DNAH11: variants seen among roughly 807,000 people sequenced by gnomAD.
DNAH11 encodes the protein axonemal beta dynein heavy chain 11.
DNAH11 carries 442 observed loss-of-function variants against 526.0 expected under a neutral mutation model. The observed-to-expected ratio is 0.84, with a 90% confidence interval of 0.78 to 0.91. The LOEUF is 0.91. Among genes scored for constraint, DNAH11 ranks in the 40% least tolerant of loss-of-function variants. DNAH11 has a pLI of 0.00. For missense variants in DNAH11, 6,989 were observed against 5,448.7 expected, an observed-to-expected ratio of 1.28 and a Z score of -8.90; for synonymous variants, 2,461 against 1,935.9, an observed-to-expected ratio of 1.27 and a Z score of -7.12.
At chr7:21,597,377 G>A (rs1784898946) in intron 14 of DNAH11, among the ~76,000 whole-genome samples, 1 of 152,140 alleles carries the variant, frequency 6.6e-6, no homozygotes, top group Non-Finnish European at 1.5e-5. Context: ...CGCTGAATGT[G>A]TATTAGGTCT....
intron 55 of DNAH11, 129 bp downstream of exon 55, chr7:21,765,718 C>G (rs1162402583): frequency 1.6e-6 from 2 of 1,249,562 alleles, no homozygotes; most frequent in East Asian, 5.1e-5. Flanking sequence ...AGAAAGCTAT[C>G]CTGATTTGTT....
intron 25 of DNAH11, among the ~76,000 whole-genome samples, chr7:21,630,288 G>A (rs1200740671): frequency 1.3e-5 from 2 of 151,924 alleles, no homozygotes; most frequent in Non-Finnish European, 2.9e-5. Context: ...ACCGTTTGCT[G>A]TAGCTATTGT....
At chr7:21,893,014 C>G (rs1435046594) in intron 77 of DNAH11, among the ~76,000 whole-genome samples, 2 of 152,152 alleles carry the variant, frequency 1.3e-5, no homozygotes, top group African/African-American at 2.4e-5. Flanking sequence ...TGTTCATGTA[C>G]CAATGGTTCA....
chr7:21,861,641 A>G (rs1343336845), intron 68 of DNAH11, among the ~76,000 whole-genome samples: 2 of 152,226 alleles, frequency 1.3e-5, no homozygotes, highest in African/African-American at 4.8e-5. Flanking sequence ...AGGAGATTGA[A>G]TGGATTTCAT....
intron 2 of DNAH11, among the ~76,000 whole-genome samples, chr7:21,554,052 C>G (rs148190464): frequency 6.6e-6 from 1 of 152,016 alleles, no homozygotes; most frequent in Admixed American, 6.5e-5. Flanking sequence ...GAAGTTTCCT[C>G]TTTTGGTTTT....
At chr7:21,598,471 A>G (rs68041068) in intron 14 of DNAH11, among the ~76,000 whole-genome samples, 28,444 of 152,080 alleles carry the variant, frequency 0.19, 3,058 homozygotes, top group East Asian at 0.53. Flanking sequence ...CTTGGGAGAC[A>G]CTAAGGTGCA....
intron 74 of DNAH11, among the ~76,000 whole-genome samples, chr7:21,876,936 C>G (rs752003773): frequency 5.9e-5 from 9 of 152,226 alleles, no homozygotes; most frequent in Admixed American, 6.5e-5. Flanking sequence ...TAAAAATTAG[C>G]AAGAAGACAT....
At chr7:21,721,282 T>C (rs1299918315) in intron 44 of DNAH11, among the ~76,000 whole-genome samples, 1 of 152,206 alleles carries the variant, frequency 6.6e-6, no homozygotes, top group African/African-American at 2.4e-5. Flanking sequence ...GACATCACTC[T>C]TCCTGATTTC....
At chr7:21,595,557 A>G (rs779994027) in intron 14 of DNAH11, among the ~76,000 whole-genome samples, 35 of 152,214 alleles carry the variant, frequency 2.3e-4, no homozygotes, top group Non-Finnish European at 4.4e-4. Flanking sequence ...GTCATGATCA[A>G]CTGGAAAGGT....
At chr7:21,771,852 A>T (rs1368461573) in intron 55 of DNAH11, among the ~76,000 whole-genome samples, 1 of 77,568 alleles carries the variant, frequency 1.3e-5, no homozygotes, top group Non-Finnish European at 4.4e-5. Flanking sequence ...CGCCCCCCAC[A>T]AAAAAAAATA....
intron 74 of DNAH11, among the ~76,000 whole-genome samples, chr7:21,878,539 C>G (rs776428842): frequency 6.6e-6 from 1 of 152,212 alleles, no homozygotes; most frequent in Non-Finnish European, 1.5e-5. Flanking sequence ...TCTGCCTTCA[C>G]AAGCTTGCCC....
intron 28 of DNAH11, among the ~76,000 whole-genome samples, chr7:21,651,229 A>G (rs1210836484): frequency 1.3e-5 from 2 of 152,202 alleles, no homozygotes; most frequent in Non-Finnish European, 2.9e-5. Context: ...ATTTTATCCC[A>G]TTAATAAGCG....
chr7:21,896,628 G>T (rs372713098), intron 79 of DNAH11, among the ~76,000 whole-genome samples: 4 of 152,070 alleles, frequency 2.6e-5, no homozygotes, highest in Non-Finnish European at 5.9e-5. Context: ...TCTGAATATC[G>T]TATTCTCCTC....
chr7:21,880,917 C>T (rs377023505), intron 75 of DNAH11, 24 bp downstream of exon 75: 1 of 1,573,280 alleles, frequency 6.4e-7, no homozygotes, highest in Middle Eastern at 1.8e-4. Context: ...GTCAAATAAC[C>T]TCTTCCAAGG....
Position 21,595,066 on chromosome 7 carries a change from C to A in DNAH11, c.2667+3489C>A, listed in dbSNP as rs558835815. 1.7e-3 allele frequency among the ~76,000 whole-genome samples: 266 copies of A among 152,278 alleles called. 1 individual carries two copies. The highest frequency in any genetic ancestry group is 6.1e-3 in the African/African-American group (253 of 41,554). On this transcript the variant is annotated intron_variant, in intron 14 of 81. Transcript: ENST00000409508. ...GTTCCGTATGTTCAGGCTGATATAG[C>A]AAAATACTCTAAACTGAGTAGCTTT...
chr7:21,582,968 A>G (rs1175454157), intron 9 of DNAH11, among the ~76,000 whole-genome samples: 1 of 151,986 alleles, frequency 6.6e-6, no homozygotes, highest in Non-Finnish European at 1.5e-5. Flanking sequence ...ATTCACGAGG[A>G]TCTGGATAGG....
chr7:21,663,667 C>T (rs1367967817), intron 30 of DNAH11, among the ~76,000 whole-genome samples: 4 of 151,700 alleles, frequency 2.6e-5, no homozygotes, highest in African/African-American at 9.7e-5. Flanking sequence ...ATTCCACATA[C>T]AAGTGAGATC....
chr7:21,591,665 C>CT (rs1784694348), intron 14 of DNAH11, 88 bp downstream of exon 14: 3 of 1,311,436 alleles, frequency 2.3e-6, no homozygotes, highest in African/African-American at 2.9e-5. Context: ...ATGTGGGACT[C>CT]TTTTATCAAG....
In DNAH11 at chr7:21,829,166, G is replaced by A. The variant is rs544008739; in HGVS notation, c.10691+10827G>A. ...TAGAAGCTTTTAATTTTAAACAGCA[G>A]GATGTGCAGTAAGGCTTTTAGATGT... On this transcript the variant is annotated intron_variant, in intron 65 of 81. Coordinates refer to ENST00000409508, the MANE Select transcript of DNAH11 (RefSeq NM_001277115.2). Among the ~76,000 whole-genome samples the A allele has an allele frequency of 5.3e-5, 8 of 152,242 alleles. No homozygotes were observed. In the South Asian group the frequency reaches 1.7e-3, roughly 32 times the overall value.
Sources: allele counts gnomAD v4.1 joint callset (sites outside exome capture counted in the v4.1 genomes callset), GRCh38; gene constraint gnomAD v4.1.1; transcripts MANE v1.5; gene names NCBI Gene and HGNC (gene_info 2026-07-23, HGNC 2026-07-21).